Variants in KCNN2 observed in about 807,000 individuals in gnomAD.
KCNN2 encodes small conductance calcium-activated potassium channel protein 2.
Under a neutral mutation model 55.5 loss-of-function variants are expected in KCNN2, and 24 were observed. That is an observed-to-expected ratio of 0.43 (90% confidence interval 0.31 to 0.61). The LOEUF is 0.61. Ranked by LOEUF, KCNN2 falls within the 20% of genes least tolerant of loss-of-function variation. The pLI is 0.08. For missense variants in KCNN2, 754 were observed against 853.6 expected, an observed-to-expected ratio of 0.88 and a Z score of 1.45; for synonymous variants, 431 against 336.1, an observed-to-expected ratio of 1.28 and a Z score of -3.09.
chr5:114,310,291 C>T lies in KCNN2; in HGVS notation c.-184-50654C>T, dbSNP rs78328761. On this transcript the variant is annotated intron_variant, in intron 2 of 10. Transcript: ENST00000512097. ...TGATGCACAGAAACCACAGTGCTCC[C>T]GCCCCAGTACTCCACATGGTTAATG... Among the ~76,000 whole-genome samples the T allele has an allele frequency of 6.5e-3, 992 of 152,188 alleles. 70 individuals are homozygous for T. In the East Asian group the frequency reaches 0.16, roughly 25 times the overall value.
intron 2 of KCNN2, among the ~76,000 whole-genome samples, chr5:114,342,277 TA>T (rs1310722727): frequency 6.6e-6 from 1 of 152,134 alleles, no homozygotes; most frequent in Non-Finnish European, 1.5e-5. Flanking sequence ...AATAGCATAT[TA>T]AAATACCTCC....
chr5:114,188,618 A>G (rs530238497), intron 1 of KCNN2, among the ~76,000 whole-genome samples: 1 of 152,312 alleles, frequency 6.6e-6, no homozygotes, highest in African/African-American at 2.4e-5. Context: ...AAATTCAGCA[A>G]GCTTTTTGAA....
chr5:114,434,845 G>C (rs943202502), intron 3 of KCNN2, among the ~76,000 whole-genome samples: 6 of 152,142 alleles, frequency 3.9e-5, no homozygotes, highest in African/African-American at 1.4e-4. Flanking sequence ...ATGGGGAATG[G>C]GGTGCCTGTA....
intron 1 of KCNN2, among the ~76,000 whole-genome samples, chr5:114,162,646 C>T (rs527711470): frequency 2.8e-4 from 43 of 152,308 alleles, no homozygotes; most frequent in Non-Finnish European, 4.7e-4. Flanking sequence ...GTGGTGGGCT[C>T]CACCCAGTTT....
chr5:114,214,350 G>A (rs1328497398), intron 1 of KCNN2, among the ~76,000 whole-genome samples: 1 of 151,852 alleles, frequency 6.6e-6, no homozygotes, highest in Non-Finnish European at 1.5e-5. Flanking sequence ...GCTATCGTTT[G>A]TCCACCCATG....
chr5:114,071,199 C>G (rs1206914354), intron 1 of KCNN2, among the ~76,000 whole-genome samples: 1 of 152,166 alleles, frequency 6.6e-6, no homozygotes, highest in Non-Finnish European at 1.5e-5. Flanking sequence ...TCCAGAGAAT[C>G]AGGCTTGGGT....
chr5:114,131,636 G>A (rs985772188), intron 1 of KCNN2, among the ~76,000 whole-genome samples: 5 of 152,030 alleles, frequency 3.3e-5, no homozygotes, highest in African/African-American at 1.2e-4. Flanking sequence ...AATTCCTTTG[G>A]GTATATACCC....
chr5:114,442,750 T>C (rs1760263788), intron 3 of KCNN2, among the ~76,000 whole-genome samples: 1 of 151,976 alleles, frequency 6.6e-6, no homozygotes, highest in African/African-American at 2.4e-5. Context: ...GACTAAAGGA[T>C]ATGTAAGAGA....
chr5:114,382,093 T>C (rs1227224079), intron 2 of KCNN2, among the ~76,000 whole-genome samples: 1 of 152,240 alleles, frequency 6.6e-6, no homozygotes, highest in Non-Finnish European at 1.5e-5. Flanking sequence ...CTCCTGTATA[T>C]GTTTCCTATA....
chr5:114,472,199 C>G (rs1283926464), intron 4 of KCNN2, among the ~76,000 whole-genome samples: 1 of 151,810 alleles, frequency 6.6e-6, no homozygotes, highest in Non-Finnish European at 1.5e-5. Flanking sequence ...CTTGACCTTG[C>G]CTGGACCCTC....
At chr5:114,168,069 T>C (rs1037286255) in intron 1 of KCNN2, among the ~76,000 whole-genome samples, 2 of 152,072 alleles carry the variant, frequency 1.3e-5, no homozygotes, top group Non-Finnish European at 2.9e-5. Context: ...TATATTCACT[T>C]GTTGATGGGC....
chr5:114,076,797 G>A (rs1298844663), intron 1 of KCNN2, among the ~76,000 whole-genome samples: 2 of 152,078 alleles, frequency 1.3e-5, no homozygotes, highest in East Asian at 1.9e-4. Flanking sequence ...AGGTTCAAGC[G>A]ATTCTCCTGC....
chr5:114,394,750 A>G (rs1283747235), intron 2 of KCNN2, among the ~76,000 whole-genome samples: 2 of 151,896 alleles, frequency 1.3e-5, no homozygotes, highest in Admixed American at 1.3e-4. Context: ...TATTTTCCCC[A>G]CTGATTGAGA....
intron 3 of KCNN2, among the ~76,000 whole-genome samples, chr5:114,408,921 C>T (rs1215857246): frequency 6.6e-6 from 1 of 152,126 alleles, no homozygotes; most frequent in African/African-American, 2.4e-5. Context: ...TTGCTGTTTT[C>T]ATGTAAAGAG....
intron 7 of KCNN2, among the ~76,000 whole-genome samples, chr5:114,494,285 A>G (rs1274995990): frequency 6.6e-6 from 1 of 151,490 alleles, no homozygotes; most frequent in Non-Finnish European, 1.5e-5. Context: ...TAAATCAGAC[A>G]TGACTTTGCT....
intron 2 of KCNN2, among the ~76,000 whole-genome samples, chr5:114,398,408 A>G (rs1275377938): frequency 2.6e-5 from 4 of 150,990 alleles, no homozygotes; most frequent in African/African-American, 9.7e-5. Context: ...TTTTTGTACC[A>G]GTGCCATGCT....
At chr5:114,059,957 G>T (rs1424055135) in intron 1 of KCNN2, among the ~76,000 whole-genome samples, 1 of 152,198 alleles carries the variant, frequency 6.6e-6, no homozygotes, top group Non-Finnish European at 1.5e-5. Flanking sequence ...CATGAGATTT[G>T]GTTTAAAGGC....
intron 1 of KCNN2, among the ~76,000 whole-genome samples, chr5:114,162,977 C>T (rs183110179): frequency 2.2e-4 from 34 of 152,304 alleles, no homozygotes; most frequent in Admixed American, 5.9e-4. Context: ...CTCCCTGCTT[C>T]GGCTCATGCA....
intron 2 of KCNN2, among the ~76,000 whole-genome samples, chr5:114,372,448 A>G (rs1757789988): frequency 6.6e-6 from 1 of 152,162 alleles, no homozygotes; most frequent in Non-Finnish European, 1.5e-5. Context: ...TAAAATCCAC[A>G]TTTTCTGTGT....
Sources: allele counts gnomAD v4.1 joint callset (sites outside exome capture counted in the v4.1 genomes callset), GRCh38; gene constraint gnomAD v4.1.1; transcripts MANE v1.5; gene names NCBI Gene and HGNC (gene_info 2026-07-23, HGNC 2026-07-21).